MYT1L: variants seen among roughly 807,000 people sequenced by gnomAD.
MYT1L encodes myelin transcription factor 1 like, also known as myelin transcription factor 1-like protein.
In MYT1L, 12 loss-of-function variants were observed where a neutral mutation model predicts 126.7. That is an observed-to-expected ratio of 0.09 (90% CI 0.06 to 0.15). The LOEUF is 0.15. Ranked by LOEUF, MYT1L falls within the 10% of genes least tolerant of loss-of-function variation. MYT1L has a pLI of 1.00. For synonymous variants in MYT1L, 541 were observed against 604.2 expected, an observed-to-expected ratio of 0.90 and a Z score of 1.53; for missense variants, 979 against 1,585.2, an observed-to-expected ratio of 0.62 and a Z score of 6.49.
chr2:1,876,990 G>A (rs533422431), intron 18 of MYT1L, among the ~76,000 whole-genome samples: 3 of 152,328 alleles, frequency 2.0e-5, no homozygotes, highest in South Asian at 4.1e-4. Context: ...AGGGTCCCAC[G>A]GGAGGACCAC....
intron 21 of MYT1L, among the ~76,000 whole-genome samples, chr2:1,833,444 C>T (rs2148310140): frequency 6.6e-6 from 1 of 152,268 alleles, no homozygotes; most frequent in African/African-American, 2.4e-5. Flanking sequence ...CTGAGGACAC[C>T]TTCCTGTCCT....
At chr2:1,862,040 C>T (rs1230640223) in intron 18 of MYT1L, among the ~76,000 whole-genome samples, 1 of 151,042 alleles carries the variant, frequency 6.6e-6, no homozygotes, top group African/African-American at 2.4e-5. Context: ...CTGATGTTTT[C>T]TCTTTCTTCC....
intron 1 of MYT1L, among the ~76,000 whole-genome samples, chr2:2,286,961 A>T (rs954117306): frequency 2.0e-5 from 3 of 152,210 alleles, no homozygotes; most frequent in Non-Finnish European, 4.4e-5. Flanking sequence ...AGATACACAC[A>T]GACACACACA....
chr2:2,214,911 A>G (rs2148932216), intron 2 of MYT1L, among the ~76,000 whole-genome samples: 1 of 152,340 alleles, frequency 6.6e-6, no homozygotes, highest in East Asian at 1.9e-4. Flanking sequence ...TAAAAATAAA[A>G]TGTATGATAA....
intron 5 of MYT1L, among the ~76,000 whole-genome samples, chr2:1,996,094 G>A (rs2061811261): frequency 6.6e-6 from 1 of 152,252 alleles, no homozygotes; most frequent in Non-Finnish European, 1.5e-5. Flanking sequence ...AGGAAGCGGT[G>A]TGCAGGCTGA....
intron 18 of MYT1L, 143 bp downstream of exon 18, chr2:1,886,396 A>G (rs1364657546): frequency 3.9e-6 from 2 of 517,762 alleles, no homozygotes; most frequent in Non-Finnish European, 6.4e-6. Context: ...CGAGGATTCA[A>G]TCCCATGTCT....
At chr2:2,013,081 G>A (rs991502104) in intron 4 of MYT1L, among the ~76,000 whole-genome samples, 8 of 152,150 alleles carry the variant, frequency 5.3e-5, no homozygotes, top group Non-Finnish European at 1.0e-4. Flanking sequence ...AGGAGAACAC[G>A]CGATTCTAGA....
intron 2 of MYT1L, among the ~76,000 whole-genome samples, chr2:2,279,366 A>C (rs7587782): frequency 0.34 from 51,756 of 151,458 alleles, 8,995 homozygotes; most frequent in South Asian, 0.42. Context: ...TATAATGATT[A>C]AGCCATTCAA....
At chr2:2,301,046 C>T (rs1203397840) in intron 1 of MYT1L, among the ~76,000 whole-genome samples, 2 of 152,046 alleles carry the variant, frequency 1.3e-5, no homozygotes, top group Non-Finnish European at 2.9e-5. Context: ...GTTCTGTAAA[C>T]CCAGACCTTT....
rs79476491 is a variant in MYT1L at position 2,146,388 on chromosome 2, G to A, written c.-304+26484C>T. 9.7e-3 allele frequency among the ~76,000 whole-genome samples: 1,483 copies of A among 152,186 alleles called. 27 individuals carry two copies. Among genetic ancestry groups the A allele is most frequent in the African/African-American group, 0.035 (1,432 of 41,492 alleles). ...GCACAAGGGCCTGGAGAGTGTGGCC[G>A]GGCAGAGCACCTGGGACGATAGAAG... On this transcript the variant is annotated intron_variant, in intron 3 of 24. Transcript: ENST00000647738.
At chr2:2,222,507 A>AGT (rs2093906138) in intron 2 of MYT1L, among the ~76,000 whole-genome samples, 1 of 149,308 alleles carries the variant, frequency 6.7e-6, no homozygotes, top group Non-Finnish European at 1.5e-5. Flanking sequence ...AAAAAAAAAA[A>AGT]TTTTTTTTTG....
intron 4 of MYT1L, among the ~76,000 whole-genome samples, chr2:2,046,721 T>C (rs2068230185): frequency 6.6e-6 from 1 of 152,242 alleles, no homozygotes; most frequent in South Asian, 2.1e-4. Flanking sequence ...TTATAAATGC[T>C]ACTTTGCTCT....
Position 2,076,524 on chromosome 2 carries a change from C to T in MYT1L, c.-303-22401G>A, listed in dbSNP as rs868451678. Among the ~76,000 whole-genome samples, 13 of 152,232 alleles carry T rather than the reference C, an allele frequency of 8.5e-5. No individual in the cohort carries two copies. In the South Asian group the frequency reaches 1.0e-3, roughly 12 times the overall value. On this transcript the variant is annotated intron_variant, in intron 3 of 24. Coordinates refer to ENST00000647738, the MANE Select transcript of MYT1L (RefSeq NM_001303052.2). ...AAAAACTAACCAATAAACAGACAAA[C>T]TACAAGCTCCAAGAACTCGAAAGAA...
chr2:2,275,092 G>T (rs1647801779), intron 2 of MYT1L, among the ~76,000 whole-genome samples: 1 of 152,162 alleles, frequency 6.6e-6, no homozygotes, highest in South Asian at 2.1e-4. Flanking sequence ...CACAGCTGGA[G>T]AGTGCTGGTG....
chr2:2,244,820 C>A (rs896096048), intron 2 of MYT1L, among the ~76,000 whole-genome samples: 17 of 152,198 alleles, frequency 1.1e-4, no homozygotes, highest in African/African-American at 3.6e-4. Context: ...CCAGGTTCTC[C>A]CTGCAAACTG....
intron 2 of MYT1L, among the ~76,000 whole-genome samples, chr2:2,209,541 C>A (rs1306707433): frequency 6.6e-6 from 1 of 152,134 alleles, no homozygotes; most frequent in Non-Finnish European, 1.5e-5. Context: ...AACATAATAA[C>A]CTCCAGTTCT....
At chr2:2,061,151 T>C (rs988736889) in intron 3 of MYT1L, among the ~76,000 whole-genome samples, 2 of 152,170 alleles carry the variant, frequency 1.3e-5, no homozygotes, top group Non-Finnish European at 2.9e-5. Flanking sequence ...TGCTAGTTTG[T>C]ATTTTATTCT....
chr2:2,000,765 G>T (rs1318765980), intron 4 of MYT1L, among the ~76,000 whole-genome samples: 6 of 152,134 alleles, frequency 3.9e-5, no homozygotes, highest in African/African-American at 1.4e-4. Flanking sequence ...TCCACGTAAG[G>T]GTTCTAAGGC....
chr2:2,009,494 C>T (rs2063616991), intron 4 of MYT1L, among the ~76,000 whole-genome samples: 1 of 151,978 alleles, frequency 6.6e-6, no homozygotes, highest in Non-Finnish European at 1.5e-5. Context: ...GATTTATTTT[C>T]CAGCTAGGTT....
Sources: gnomAD v4.1 joint callset for allele counts (sites outside exome capture counted in the v4.1 genomes callset) on GRCh38, gnomAD v4.1.1 for gene constraint, MANE v1.5 for transcripts, NCBI Gene and HGNC (gene_info 2026-07-23, HGNC 2026-07-21) for gene names.